DENND1A: variants seen among roughly 807,000 people sequenced by gnomAD.
The protein encoded by DENND1A is DENN domain-containing protein 1A.
DENND1A carries 51 observed loss-of-function variants against 113.7 expected under a neutral mutation model. The observed-to-expected ratio is 0.45, with a 90% CI of 0.36 to 0.57. The LOEUF (loss-of-function observed/expected upper bound fraction) is 0.57, where lower values mean the gene tolerates loss of function less well. Ranked by LOEUF, DENND1A falls within the 20% of genes least tolerant of loss-of-function variation. The pLI is 0.00. For missense variants in DENND1A, 1,258 were observed against 1,395.9 expected (o/e 0.90, Z 1.57); for synonymous variants, 565 against 570.8 (o/e 0.99, Z 0.14).
chr9:123,802,492 A>C (rs1335502076), intron 2 of DENND1A, among the ~76,000 whole-genome samples: 2 of 346 alleles, frequency 5.8e-3, no homozygotes, highest in Non-Finnish European at 0.013. Context: ...ACTCACTCTA[A>C]CACCACTCCC....
intron 2 of DENND1A, among the ~76,000 whole-genome samples, chr9:123,796,670 T>C (rs374959935): frequency 3.9e-5 from 6 of 151,934 alleles, no homozygotes; most frequent in African/African-American, 1.2e-4. Context: ...GACAGATCTT[T>C]TACAACAGAA....
intron 13 of DENND1A, among the ~76,000 whole-genome samples, chr9:123,521,743 A>G (rs1380054674): frequency 1.3e-5 from 2 of 152,148 alleles, no homozygotes; most frequent in South Asian, 2.1e-4. Context: ...TGATTGTAAG[A>G]CTGGGATCAG....
At chr9:123,595,643 A>T (rs1050635581) in intron 11 of DENND1A, among the ~76,000 whole-genome samples, 1 of 152,128 alleles carries the variant, frequency 6.6e-6, no homozygotes, top group Non-Finnish European at 1.5e-5. Flanking sequence ...CTTACCAGCT[A>T]GGCAGCTTCA....
intron 21 of DENND1A, among the ~76,000 whole-genome samples, chr9:123,389,796 T>C (rs2042746385): frequency 6.6e-6 from 1 of 152,220 alleles, no homozygotes; most frequent in African/African-American, 2.4e-5. Flanking sequence ...CTGACTGCTC[T>C]CCTGAGCAGG....
At chr9:123,384,242 C>A (rs925642221) in intron 22 of DENND1A, among the ~76,000 whole-genome samples, 6 of 152,232 alleles carry the variant, frequency 3.9e-5, no homozygotes, top group Admixed American at 2.0e-4. Context: ...GTGTGAGGAA[C>A]AGACAGGACT....
intron 1 of DENND1A, among the ~76,000 whole-genome samples, chr9:123,907,382 T>G (rs1026073140): frequency 5.3e-5 from 8 of 151,590 alleles, no homozygotes; most frequent in Non-Finnish European, 1.0e-4. Context: ...GAGAAGGAAA[T>G]AAAGGAAAAG....
In DENND1A at chr9:123,881,542, A is replaced by T. The variant is rs117251569; in HGVS notation, c.18-2521T>A. Among the ~76,000 whole-genome samples the T allele has an allele frequency of 2.8e-3, 427 of 152,248 alleles. 1 individual carries two copies. The highest frequency in any genetic ancestry group is 4.9e-3 in the Non-Finnish European group (333 of 68,002). The stretch of plus-strand genomic sequence containing the variant: ...CAGCCTTCAAAGTGTGTTCTTCAGG[A>T]CCCTAGGACTTCATGGAGGTTCTTT... On this transcript the variant is annotated intron_variant, in intron 1 of 23. Transcript: ENST00000394215.
intron 2 of DENND1A, among the ~76,000 whole-genome samples, chr9:123,859,173 C>T (rs957246329): frequency 6.6e-6 from 1 of 152,112 alleles, no homozygotes; most frequent in African/African-American, 2.4e-5. Flanking sequence ...TAAAAGGAAA[C>T]AATAGTATAC....
chr9:123,838,777 T>C (rs1411452431), intron 2 of DENND1A, among the ~76,000 whole-genome samples: 3 of 152,156 alleles, frequency 2.0e-5, no homozygotes, highest in Non-Finnish European at 4.4e-5. Flanking sequence ...AAGCCCTACC[T>C]AGGAAAACCT....
intron 19 of DENND1A, among the ~76,000 whole-genome samples, chr9:123,414,771 C>G (rs2044589600): frequency 6.6e-6 from 1 of 152,184 alleles, no homozygotes; most frequent in African/African-American, 2.4e-5. Flanking sequence ...CAAAGCCCTC[C>G]AGATTCAGGG....
At chr9:123,810,758 CTTTTT>C (rs570849433) in intron 2 of DENND1A, among the ~76,000 whole-genome samples, 2 of 131,204 alleles carry the variant, frequency 1.5e-5, no homozygotes, top group Non-Finnish European at 3.2e-5. Context: ...ACTTAAATCC[CTTTTT>C]TTTTTTTTTT....
intron 5 of DENND1A, among the ~76,000 whole-genome samples, chr9:123,720,084 T>A (rs1205063006): frequency 6.6e-6 from 1 of 152,150 alleles, no homozygotes; most frequent in East Asian, 1.9e-4. Flanking sequence ...AAATGGAAAA[T>A]ATACTCAATT....
chr9:123,517,491 C>T (rs1051030469), intron 13 of DENND1A, among the ~76,000 whole-genome samples: 18 of 151,700 alleles, frequency 1.2e-4, no homozygotes, highest in African/African-American at 4.4e-4. Flanking sequence ...CATGGTGGTG[C>T]GCCTGAATTC....
chr9:123,452,296 T>C lies in DENND1A; in HGVS notation c.1279A>G (p.Met427Val), dbSNP rs1412207542. The change falls in exon 17 of 24, where the codon ATG (methionine) becomes GTG (valine). Residue 427 changes from methionine to valine, a missense_variant. Physicochemically the swap from Met to Val is conservative, Grantham distance 21. Transcript: ENST00000394215. ...NTVKTKANPA[M>V]KTVYKFAKDH... ...CTTACGAACTTGTAGACAGTCTTCA[T>C]GGCCGGATTTGCTTTGGTCTTTACA... 5 of 1,614,274 alleles carry C rather than the reference T, an allele frequency of 3.1e-6. No homozygotes were observed. The highest frequency in any genetic ancestry group is 2.2e-5 in the South Asian group (2 of 91,086).
At chr9:123,775,098 A>G (rs1157364571) in intron 3 of DENND1A, among the ~76,000 whole-genome samples, 1 of 152,220 alleles carries the variant, frequency 6.6e-6, no homozygotes, top group East Asian at 1.9e-4. Flanking sequence ...AACATCCTCT[A>G]TTCCAAGATT....
chr9:123,410,384 C>T (rs79567208), intron 20 of DENND1A, among the ~76,000 whole-genome samples: 6,189 of 152,292 alleles, frequency 0.041, 148 homozygotes, highest in South Asian at 0.085. Context: ...TGTCTTCTTT[C>T]CAGTGACAGT....
intron 7 of DENND1A, among the ~76,000 whole-genome samples, chr9:123,669,701 GCAGGGTTGCTTAGCTATA>G (rs2063668623): frequency 6.6e-6 from 1 of 152,216 alleles, no homozygotes; most frequent in African/African-American, 2.4e-5. Context: ...AGAGACAAAG[GCAGGGTTGCTTAGCTATA>G]CAGCAAGGAC....
intron 18 of DENND1A, among the ~76,000 whole-genome samples, chr9:123,448,424 C>A (rs2047465606): frequency 1.3e-5 from 2 of 152,100 alleles, no homozygotes; most frequent in African/African-American, 2.4e-5. Context: ...GTGGATCTGA[C>A]CAATGAGGGC....
At chr9:123,436,513 T>C (rs974732270) in intron 19 of DENND1A, among the ~76,000 whole-genome samples, 1 of 152,224 alleles carries the variant, frequency 6.6e-6, no homozygotes, top group Non-Finnish European at 1.5e-5. Flanking sequence ...GTTTCCCAAA[T>C]GATACTAAAC....
Sources: gnomAD v4.1 joint callset for allele counts (sites outside exome capture counted in the v4.1 genomes callset) on GRCh38, gnomAD v4.1.1 for gene constraint, MANE v1.5 for transcripts, NCBI Gene and HGNC (gene_info 2026-07-23, HGNC 2026-07-21) for gene names.